CCSER1: variants seen among roughly 807,000 people sequenced by gnomAD.
CCSER1 encodes coiled-coil serine rich protein 1, also known as serine-rich coiled-coil domain-containing protein 1.
CCSER1 carries 41 observed loss-of-function variants against 82.0 expected under a neutral mutation model. The observed-to-expected ratio is 0.50, with a 90% CI of 0.39 to 0.65. The LOEUF is 0.65. Among genes scored for constraint, CCSER1 ranks in the 30% least tolerant of loss-of-function variants. CCSER1 has a pLI of 0.00. For missense variants in CCSER1, 1,119 were observed against 1,064.2 expected, an observed-to-expected ratio of 1.05 and a Z score of -0.72; for synonymous variants, 414 against 383.9, an observed-to-expected ratio of 1.08 and a Z score of -0.92.
At chr4:91,389,407 G>C (rs912926189) in intron 10 of CCSER1, among the ~76,000 whole-genome samples, 16 of 151,718 alleles carry the variant, frequency 1.1e-4, no homozygotes, top group African/African-American at 3.6e-4. Flanking sequence ...TCTATTTCTG[G>C]GTTCTCTTTT....
intron 6 of CCSER1, among the ~76,000 whole-genome samples, chr4:90,630,031 G>A (rs577995959): frequency 7.9e-5 from 12 of 152,290 alleles, no homozygotes; most frequent in Non-Finnish European, 1.2e-4. Context: ...CCATGTGGGA[G>A]TATTTATGCC....
At chr4:91,159,137 A>G (rs1474769135) in intron 10 of CCSER1, among the ~76,000 whole-genome samples, 1 of 151,824 alleles carries the variant, frequency 6.6e-6, no homozygotes, top group Non-Finnish European at 1.5e-5. Context: ...GCCCCTCACT[A>G]TCTTTAATTT....
At chr4:90,127,971 G>A (rs1436980673) in intron 1 of CCSER1, 140 bp downstream of exon 1, 3 of 151,750 alleles carry the variant, frequency 2.0e-5, no homozygotes, top group Admixed American at 1.3e-4. Flanking sequence ...AGCAGCGCGC[G>A]CCCAGGCCCG....
intron 10 of CCSER1, among the ~76,000 whole-genome samples, chr4:91,300,549 A>T (rs1278180220): frequency 6.6e-6 from 1 of 151,880 alleles, no homozygotes; most frequent in East Asian, 1.9e-4. Flanking sequence ...CAAACACAAC[A>T]ACTAAATTAC....
intron 7 of CCSER1, among the ~76,000 whole-genome samples, chr4:90,740,442 G>A (rs1017596221): frequency 5.3e-5 from 8 of 152,216 alleles, no homozygotes; most frequent in Non-Finnish European, 7.4e-5. Flanking sequence ...AAGTCAAAAT[G>A]AATTTTGCTT....
chr4:90,453,529 G>A (rs1425242898), intron 4 of CCSER1, among the ~76,000 whole-genome samples: 3 of 152,160 alleles, frequency 2.0e-5, no homozygotes, highest in Admixed American at 6.5e-5. Flanking sequence ...AAAGTGGACC[G>A]AGACCAGTGT....
intron 10 of CCSER1, among the ~76,000 whole-genome samples, chr4:91,253,349 C>T (rs1405415684): frequency 6.6e-6 from 1 of 152,016 alleles, no homozygotes; most frequent in Admixed American, 6.6e-5. Flanking sequence ...ATTGTCTGTG[C>T]TATTGGTAAA....
chr4:91,439,068 T>G (rs1441465393), intron 10 of CCSER1, among the ~76,000 whole-genome samples: 11 of 152,134 alleles, frequency 7.2e-5, no homozygotes, highest in Admixed American at 6.6e-4. Flanking sequence ...CAGGATATTA[T>G]CCAGGAGAAC....
chr4:90,566,807 T>A (rs1779451187), intron 5 of CCSER1, among the ~76,000 whole-genome samples: 1 of 151,996 alleles, frequency 6.6e-6, no homozygotes, highest in African/African-American at 2.4e-5. Flanking sequence ...TTTCACCGTG[T>A]TAGCCAGGAT....
At chr4:90,246,981 A>G (rs1410987542) in intron 1 of CCSER1, among the ~76,000 whole-genome samples, 1 of 149,890 alleles carries the variant, frequency 6.7e-6, no homozygotes, top group Non-Finnish European at 1.5e-5. Flanking sequence ...TTATTAAGTA[A>G]AAAAAAGGTT....
intron 10 of CCSER1, among the ~76,000 whole-genome samples, chr4:91,092,579 G>A (rs1033660254): frequency 1.3e-5 from 2 of 152,190 alleles, no homozygotes; most frequent in Non-Finnish European, 1.5e-5. Flanking sequence ...GCAAGTGTGA[G>A]ATGTAGAAAT....
intron 5 of CCSER1, among the ~76,000 whole-genome samples, chr4:90,617,015 G>A (rs1284333590): frequency 6.6e-6 from 1 of 152,072 alleles, no homozygotes; most frequent in Non-Finnish European, 1.5e-5. Flanking sequence ...CTACACCTAG[G>A]AAAATGTTAA....
chr4:90,523,673 T>C (rs752114629), intron 5 of CCSER1, among the ~76,000 whole-genome samples: 4 of 152,168 alleles, frequency 2.6e-5, no homozygotes, highest in Non-Finnish European at 4.4e-5. Context: ...TTGGTTCTAC[T>C]CATATTAGCC....
intron 9 of CCSER1, among the ~76,000 whole-genome samples, chr4:91,013,722 G>C (rs2150507998): frequency 7.9e-6 from 1 of 126,492 alleles, no homozygotes; most frequent in Non-Finnish European, 1.8e-5. Context: ...CCTGCCTCAG[G>C]CTCCCGAGCA....
At chr4:90,567,002 T>C (rs1779476194) in intron 5 of CCSER1, among the ~76,000 whole-genome samples, 1 of 140,606 alleles carries the variant, frequency 7.1e-6, no homozygotes, top group African/African-American at 3.0e-5. Context: ...GGTTTATTGG[T>C]TTTGCTTACT....
chr4:91,257,188 T>A (rs973108402), intron 10 of CCSER1, among the ~76,000 whole-genome samples: 1 of 152,164 alleles, frequency 6.6e-6, no homozygotes, highest in Non-Finnish European at 1.5e-5. Flanking sequence ...TATTAGCATA[T>A]GTTTAGATAT....
intron 6 of CCSER1, among the ~76,000 whole-genome samples, chr4:90,641,669 G>T (rs1164464128): frequency 6.6e-6 from 1 of 152,012 alleles, no homozygotes; most frequent in Non-Finnish European, 1.5e-5. Flanking sequence ...ATATTTATAT[G>T]ATGTCAAAAT....
intron 10 of CCSER1, among the ~76,000 whole-genome samples, chr4:91,163,866 G>A (rs1017498662): frequency 1.3e-5 from 2 of 152,110 alleles, no homozygotes; most frequent in African/African-American, 2.4e-5. Context: ...GCACACTGAT[G>A]GGTCTTGACT....
At chr4:90,783,730 T>A (rs1754111083) in intron 7 of CCSER1, among the ~76,000 whole-genome samples, 1 of 152,244 alleles carries the variant, frequency 6.6e-6, no homozygotes, top group Non-Finnish European at 1.5e-5. Context: ...CAGGCCTCTC[T>A]AACCTTTCTG....
Sources: gnomAD v4.1 joint callset for allele counts (sites outside exome capture counted in the v4.1 genomes callset) on GRCh38, gnomAD v4.1.1 for gene constraint, MANE v1.5 for transcripts, NCBI Gene and HGNC (gene_info 2026-07-23, HGNC 2026-07-21) for gene names.